Variants in MAP3K13 observed in about 807,000 individuals in gnomAD.
The protein encoded by MAP3K13 is mitogen-activated protein kinase kinase kinase 13.
MAP3K13 carries 52 observed loss-of-function variants against 104.0 expected under a neutral mutation model. That is an observed-to-expected ratio of 0.50 (90% CI 0.40 to 0.63). The LOEUF (loss-of-function observed/expected upper bound fraction) is 0.63, where lower values mean the gene tolerates loss of function less well. Ranked by LOEUF, MAP3K13 falls within the 20% of genes least tolerant of loss-of-function variation. The pLI is 0.00. For synonymous variants in MAP3K13, 394 were observed against 442.2 expected (o/e 0.89, Z 1.37); for missense variants, 914 against 1,218.5 (o/e 0.75, Z 3.72).
At chr3:185,387,452 T>C (rs1448144146) in intron 1 of MAP3K13, among the ~76,000 whole-genome samples, 2 of 152,158 alleles carry the variant, frequency 1.3e-5, no homozygotes, top group African/African-American at 4.8e-5. Flanking sequence ...CAGATGAAGA[T>C]GCCCAGTCTT....
chr3:185,365,159 G>C (rs1723811164), intron 1 of MAP3K13, among the ~76,000 whole-genome samples: 1 of 152,078 alleles, frequency 6.6e-6, no homozygotes, highest in South Asian at 2.1e-4. Flanking sequence ...GCACAGAGCA[G>C]ATATAGAATC....
At chr3:185,451,494 A>T in intron 7 of MAP3K13, 99 bp downstream of exon 7, 1 of 765,686 alleles carries the variant, frequency 1.3e-6, no homozygotes, top group South Asian at 1.5e-5. Context: ...TTGTTATAAT[A>T]GTTATATAAC....
At chr3:185,326,098 C>T (rs1281579811) in intron 2 of MAP3K13, among the ~76,000 whole-genome samples, 1 of 152,158 alleles carries the variant, frequency 6.6e-6, no homozygotes, top group African/African-American at 2.4e-5. Flanking sequence ...GTTCTCTTAT[C>T]ATCACAGTAC....
chr3:185,360,482 T>C (rs1723558265), upstream of MAP3K13, among the ~76,000 whole-genome samples: 1 of 152,194 alleles, frequency 6.6e-6, no homozygotes, highest in African/African-American at 2.4e-5. Context: ...CTTCTATATC[T>C]TCCATAATTT....
In MAP3K13 at chr3:185,428,485, T is replaced by C. The variant is rs538793998; in HGVS notation, c.-85-12T>C. On this transcript the variant is annotated splice_polypyrimidine_tract_variant and intron_variant, in intron 1 of 13. Transcript: ENST00000265026. The stretch of plus-strand genomic sequence containing the variant: ...AAAGGATGATCTCTTATCTCCCTCC[T>C]GTTTTTCTCAGGTTTTGGAGCCCTC... 32 of 1,468,982 alleles carry C rather than the reference T, an allele frequency of 2.2e-5. No homozygotes were observed. In the South Asian group the frequency reaches 4.4e-4, roughly 20 times the overall value. The allele number at this position is 1,468,982 out of a possible 1,614,324, so 91.0% of individuals were successfully genotyped here. A position where few individuals can be genotyped will look rare whatever the true frequency, so the allele number is the denominator to read the frequency against.
At chr3:185,424,392 G>A (rs530882837) in intron 1 of MAP3K13, among the ~76,000 whole-genome samples, 4 of 152,290 alleles carry the variant, frequency 2.6e-5, no homozygotes, top group African/African-American at 9.6e-5. Context: ...AGGATTTGGG[G>A]AATCTGAACT....
upstream of MAP3K13, chr3:185,363,118 G>T: frequency 1.0e-6 from 1 of 984,574 alleles, no homozygotes; most frequent in Non-Finnish European, 1.2e-6. Flanking sequence ...CTCTGGACCC[G>T]CCCCTCTTTT....
intron 1 of MAP3K13, among the ~76,000 whole-genome samples, chr3:185,370,848 G>C (rs1017778102): frequency 6.6e-6 from 1 of 151,138 alleles, no homozygotes; most frequent in African/African-American, 2.4e-5. Flanking sequence ...TTGGTTGTAC[G>C]TTGTAGCCTT....
intron 1 of MAP3K13, among the ~76,000 whole-genome samples, chr3:185,419,020 C>CTT (rs1209080029): frequency 3.5e-5 from 5 of 143,438 alleles, no homozygotes; most frequent in Non-Finnish European, 4.6e-5. Context: ...ATTTATAATT[C>CTT]TTTTTTTTTT....
chr3:185,466,672 C>T lies in MAP3K13; in HGVS notation c.1506-154C>T, dbSNP rs144940140. Among the ~76,000 whole-genome samples the T allele has an allele frequency of 1.9e-3, 288 of 152,162 alleles. 2 individuals are homozygous for T. Among genetic ancestry groups the T allele is most frequent in the African/African-American group, 6.5e-3 (270 of 41,520 alleles). On this transcript the variant is annotated intron_variant, in intron 9 of 13. Coordinates refer to ENST00000265026, the MANE Select transcript of MAP3K13 (RefSeq NM_004721.5). ...GATTACATGCCTGAGCCACCGAGCC[C>T]GGCTGTTTGTTTGTTTTTTAAACCT...
chr3:185,422,280 TGAGGAAG>T (rs1330726552), intron 1 of MAP3K13, among the ~76,000 whole-genome samples: 1 of 152,238 alleles, frequency 6.6e-6, no homozygotes, highest in Non-Finnish European at 1.5e-5. Flanking sequence ...GGAGCTGGGC[TGAGGAAG>T]GAGGACTCAT....
intron 2 of MAP3K13, among the ~76,000 whole-genome samples, chr3:185,290,619 C>G (rs1720697782): frequency 6.6e-6 from 1 of 152,012 alleles, no homozygotes; most frequent in African/African-American, 2.4e-5. Flanking sequence ...AAGTTTGAAT[C>G]CTGTCTCTAC....
chr3:185,328,058 G>A (rs2108703151), intron 2 of MAP3K13, among the ~76,000 whole-genome samples: 1 of 151,962 alleles, frequency 6.6e-6, no homozygotes, highest in East Asian at 1.9e-4. Flanking sequence ...AGGGAAAGAA[G>A]CTTAGGAATG....
chr3:185,475,722 A>G (rs1718084443), intron 11 of MAP3K13, among the ~76,000 whole-genome samples: 1 of 151,958 alleles, frequency 6.6e-6, no homozygotes, highest in Non-Finnish European at 1.5e-5. Flanking sequence ...ATGGTGGTGC[A>G]CTCCTGTAAT....
At chr3:185,384,195 G>A (rs1215526877) in intron 1 of MAP3K13, among the ~76,000 whole-genome samples, 1 of 151,970 alleles carries the variant, frequency 6.6e-6, no homozygotes, top group East Asian at 1.9e-4. Context: ...GAGAAAACCT[G>A]GTATTTGTCT....
chr3:185,459,265 G>C (rs961221416), intron 7 of MAP3K13, among the ~76,000 whole-genome samples: 1 of 152,062 alleles, frequency 6.6e-6, no homozygotes, highest in African/African-American at 2.4e-5. Flanking sequence ...GAAAGGGTTG[G>C]ACTGGACCCC....
rs1249062245 is a variant in MAP3K13, at chr3:185,423,750, C to T, written c.-85-4747C>T. The stretch of plus-strand genomic sequence containing the variant: ...GAGGGAAGAATCACCTGCACTGTAT[C>T]GTAAGCTTTCAGAGCCCACGTGTGG... On this transcript the variant is annotated intron_variant, in intron 1 of 13. Coordinates refer to ENST00000265026, the MANE Select transcript of MAP3K13 (RefSeq NM_004721.5). The surrounding 1 kb of genome is among the most constrained non-coding windows in gnomAD (Gnocchi z 4.1). 6.6e-6 allele frequency among the ~76,000 whole-genome samples: 1 copy of T among 152,184 alleles called. No homozygotes were observed. Among genetic ancestry groups the T allele is most frequent in the Non-Finnish European group, 1.5e-5 (1 of 68,032 alleles).
Position 185,488,902 on chromosome 3 carries a change from G to C in MAP3K13, c.*6446G>C, listed in dbSNP as rs1025245190. On this transcript the variant is annotated 3_prime_UTR_variant, in exon 14 of 14. Coordinates refer to ENST00000265026, the MANE Select transcript of MAP3K13 (RefSeq NM_004721.5). ...GAGCTCCTATCGACTTGGAGCGAAT[G>C]AATTTCTCTTTTGTGGTTAGGTCTC... 7 of 152,210 alleles carry C rather than the reference G, an allele frequency of 4.6e-5. No individual in the cohort carries two copies. The highest frequency in any genetic ancestry group is 1.7e-4 in the African/African-American group (7 of 41,428). The allele number at this position is 152,210 out of a possible 1,614,324, so 9.4% of individuals were successfully genotyped here. A position where few individuals can be genotyped will look rare whatever the true frequency, so the allele number is the denominator to read the frequency against.
intron 1 of MAP3K13, among the ~76,000 whole-genome samples, chr3:185,415,568 G>T (rs1325734607): frequency 1.4e-5 from 2 of 144,850 alleles, no homozygotes; most frequent in Non-Finnish European, 3.0e-5. Context: ...AAACCAGAAG[G>T]GTTAATTTCT....
Sources: gnomAD v4.1 joint callset for allele counts (sites outside exome capture counted in the v4.1 genomes callset) on GRCh38, gnomAD v4.1.1 for gene constraint, Gnocchi (gnomAD v3.1) non-coding constraint, MANE v1.5 for transcripts, NCBI Gene and HGNC (gene_info 2026-07-23, HGNC 2026-07-21) for gene names.